EXD3: variants seen among roughly 807,000 people sequenced by gnomAD.
EXD3 encodes the protein exonuclease 3'-5' domain containing 3.
In EXD3, 92 loss-of-function variants were observed where a neutral mutation model predicts 98.0. That is an observed-to-expected ratio of 0.94 (90% CI 0.79 to 1.12). EXD3 has a LOEUF of 1.12. Among genes scored for constraint, EXD3 ranks in the 50% most tolerant of loss-of-function variants. The pLI is 0.00. For missense variants in EXD3, 1,222 were observed against 1,191.6 expected, an observed-to-expected ratio of 1.03 and a Z score of -0.38; for synonymous variants, 569 against 526.0, an observed-to-expected ratio of 1.08 and a Z score of -1.12.
intron 1 of EXD3, among the ~76,000 whole-genome samples, chr9:137,409,401 T>G (rs1837887543): frequency 6.6e-6 from 1 of 152,188 alleles, no homozygotes; most frequent in African/African-American, 2.4e-5. Flanking sequence ...AATTACCCAG[T>G]TTTAGATATT....
chr9:137,404,760 T>C (rs1837637667), intron 1 of EXD3, among the ~76,000 whole-genome samples: 1 of 151,808 alleles, frequency 6.6e-6, no homozygotes, highest in African/African-American at 2.4e-5. Context: ...CTTGGGAGGC[T>C]GAGGCAGGAG....
At chr9:137,346,669 G>A in intron 17 of EXD3, among the ~76,000 whole-genome samples, 1 of 152,166 alleles carries the variant, frequency 6.6e-6, no homozygotes, top group East Asian at 1.9e-4. Flanking sequence ...TCCACAGACG[G>A]TCGGTTTCAA....
chr9:137,380,813 A>T (rs997122642), intron 3 of EXD3, among the ~76,000 whole-genome samples: 1 of 147,876 alleles, frequency 6.8e-6, no homozygotes, highest in Non-Finnish European at 1.5e-5. Flanking sequence ...GGCCCCCCCG[A>T]GGGGCTGTTA....
chr9:137,324,109 G>A lies in EXD3; in HGVS notation c.2033C>T (p.Ser678Leu), dbSNP rs376955968. The change falls in exon 18 of 22, where the codon TCG (serine) becomes TTG (leucine). Residue 678 changes from serine to leucine, a missense_variant. By Grantham distance (145) the Ser-to-Leu change is moderately radical. Transcript: ENST00000340951. This position sits in a 1 kb window ranked among gnomAD's most constrained non-coding sequence, Gnocchi z 4.1. Reference sequence around the variant, plus strand: ...ACTCACCTTGTGGAATGGCTGCCCCGACGTCAGAATGATCCTCCCCTCCTG... The same window carrying A: ...ACTCACCTTGTGGAATGGCTGCCCCAACGTCAGAATGATCCTCCCCTCCTG... ...ARQEGRIILT[S>L]GQPFHKLRAQ... is the part of the protein sequence containing the mutation. The A allele has an allele frequency of 3.3e-5, 53 of 1,588,378 alleles. No individual in the cohort carries two copies. The highest frequency in any genetic ancestry group is 4.0e-5 in the Non-Finnish European group (47 of 1,168,170).
intron 17 of EXD3, among the ~76,000 whole-genome samples, chr9:137,327,545 T>C (rs1382332158): frequency 6.6e-6 from 1 of 151,966 alleles, no homozygotes; most frequent in Non-Finnish European, 1.5e-5. Context: ...ATGGTTAAAA[T>C]GGTCAATTTC....
In EXD3 at chr9:137,347,525, C is replaced by A. The variant is rs1296265144; in HGVS notation, c.1998+546G>T. ...GTGGCGTGATCTCAGCTCACTGTAA[C>A]CTCTGCCTCCGGTGTTTAAGCGATT... On this transcript the variant is annotated intron_variant, in intron 17 of 21. Coordinates refer to ENST00000340951, the MANE Select transcript of EXD3 (RefSeq NM_017820.5). This position sits in a 1 kb window ranked among gnomAD's most constrained non-coding sequence, Gnocchi z 4.2. Among the ~76,000 whole-genome samples, 1 of 152,006 alleles carries A rather than the reference C, an allele frequency of 6.6e-6. No homozygotes were observed. The highest frequency in any genetic ancestry group is 1.5e-5 in the Non-Finnish European group (1 of 68,016).
chr9:137,313,169 C>A (rs1160363827), intron 19 of EXD3, among the ~76,000 whole-genome samples: 1 of 152,148 alleles, frequency 6.6e-6, no homozygotes, highest in African/African-American at 2.4e-5. Flanking sequence ...GGGCGAGACA[C>A]GAGCCCTGGG....
Position 137,349,555 on chromosome 9 carries a change from G to A in EXD3, c.1495-24C>T. 6.5e-7 allele frequency: 1 copy of A among 1,542,232 alleles called. No individual in the cohort carries two copies. Among genetic ancestry groups the A allele is most frequent in the Non-Finnish European group, 8.7e-7 (1 of 1,144,836 alleles). ...ATCTGCTAAGACAGTGCCCTGCAGG[G>A]TAACGCGTCTGGCCCTGGCGGCAGC... On this transcript the variant is annotated intron_variant, in intron 14 of 21. Coordinates refer to ENST00000340951, the MANE Select transcript of EXD3 (RefSeq NM_017820.5). This position sits in a 1 kb window ranked among gnomAD's most constrained non-coding sequence, Gnocchi z 7.4.
chr9:137,355,471 A>AGGAGGAAGGAGGAC (rs1834608694), intron 8 of EXD3, among the ~76,000 whole-genome samples: 1 of 110,354 alleles, frequency 9.1e-6, no homozygotes, highest in African/African-American at 4.3e-5. Context: ...GAAAGGAGGA[A>AGGAGGAAGGAGGAC]GGAGGAAGGA....
At chr9:137,384,170 T>TGCAGG (rs1167182198) in intron 2 of EXD3, among the ~76,000 whole-genome samples, 1 of 152,196 alleles carries the variant, frequency 6.6e-6, no homozygotes, top group Non-Finnish European at 1.5e-5. Flanking sequence ...TGGGCCCCCC[T>TGCAGG]GCAGGGCAGG....
intron 19 of EXD3, among the ~76,000 whole-genome samples, chr9:137,317,850 G>C (rs1213214592): frequency 6.6e-6 from 1 of 152,208 alleles, no homozygotes; most frequent in African/African-American, 2.4e-5. Context: ...TCTTCCTCCA[G>C]AGCTCTGGGG....
At position 137,349,530 on chromosome 9, in the gene EXD3, A is replaced by G; in HGVS notation, c.1496T>C (p.Met499Thr). ...TGGGGCTGGCACGCTCGCCACCCGC[A>G]TCTGCTAAGACAGTGCCCTGCAGGG... is the stretch of plus-strand genomic sequence containing the variant. ...GMDLLLVHRQ[M>T]RVASVPAPAV... The change falls in exon 15 of 22, where the codon ATG becomes ACG. Residue 499 changes from methionine to threonine, a missense_variant and splice_region_variant. By Grantham distance (81) the Met-to-Thr change is moderately conservative. Transcript: ENST00000340951. The surrounding 1 kb of genome is among the most constrained non-coding windows in gnomAD (Gnocchi z 7.4). 6.3e-7 allele frequency: 1 copy of G among 1,587,434 alleles called. No homozygotes were observed. The highest frequency in any genetic ancestry group is 1.3e-5 in the African/African-American group (1 of 74,530).
chr9:137,341,418 AAGACTCATTAC>A (rs1433270584), intron 17 of EXD3, among the ~76,000 whole-genome samples: 1 of 152,232 alleles, frequency 6.6e-6, no homozygotes, highest in African/African-American at 2.4e-5. Context: ...CACTCTGGCT[AAGACTCATTAC>A]AGTGAATAAT....
At chr9:137,326,528 A>G (rs750426360) in intron 17 of EXD3, among the ~76,000 whole-genome samples, 9 of 152,186 alleles carry the variant, frequency 5.9e-5, no homozygotes, top group Non-Finnish European at 1.0e-4. Flanking sequence ...CTTATCTCAA[A>G]AAGAAAAAAA....
intron 1 of EXD3, among the ~76,000 whole-genome samples, chr9:137,420,687 G>A (rs918810353): frequency 6.7e-5 from 10 of 149,416 alleles, no homozygotes; most frequent in Non-Finnish European, 1.3e-4. Flanking sequence ...GTCACTTTCC[G>A]ACAGATCCAG....
In EXD3 at chr9:137,372,951, A is replaced by G. The variant is rs771121580; in HGVS notation, c.416T>C (p.Leu139Pro). 1.4e-5 allele frequency: 22 copies of G among 1,602,220 alleles called. No homozygotes were observed. Among genetic ancestry groups the G allele is most frequent in the Non-Finnish European group, 1.9e-5 (22 of 1,179,748 alleles). ...GTGGAGGCGGTGGACGTGTGCCAGC[A>G]GGCAGCTCCTGTCTGCATCCTGCAG... ...FQLQDADRSCLLAHVHRLHHE... is the reference protein window; with the variant it reads ...FQLQDADRSCPLAHVHRLHHE... The change falls in exon 5 of 22, where the codon CTG becomes CCG. Residue 139 changes from leucine to proline, a missense_variant. Transcript: ENST00000340951.
chr9:137,378,782 C>T (rs1836043285), intron 3 of EXD3, among the ~76,000 whole-genome samples: 1 of 152,234 alleles, frequency 6.6e-6, no homozygotes, highest in Non-Finnish European at 1.5e-5. Context: ...TGTGAACTGT[C>T]CAGAAGTGGC....
chr9:137,316,007 G>T (rs1362720429), intron 19 of EXD3, among the ~76,000 whole-genome samples: 1 of 149,890 alleles, frequency 6.7e-6, no homozygotes, highest in African/African-American at 2.5e-5. Flanking sequence ...GCCTCCCAAG[G>T]GAAGTCCCCC....
Position 137,403,915 on chromosome 9 carries a change from G to C in EXD3, c.-47-8511C>G, listed in dbSNP as rs370646061. On this transcript the variant is annotated intron_variant, in intron 1 of 21. Coordinates refer to ENST00000340951, the MANE Select transcript of EXD3 (RefSeq NM_017820.5). The surrounding 1 kb of genome is among the most constrained non-coding windows in gnomAD (Gnocchi z 6.1). ...GCAGTCACACCCCCACGCCATCTCT[G>C]CATAGACCCCGAAGGATGTGGAGTG... 4.1e-4 allele frequency among the ~76,000 whole-genome samples: 63 copies of C among 152,190 alleles called. No homozygotes were observed. In the East Asian group the frequency reaches 0.011, roughly 26 times the overall value.
Sources: allele counts gnomAD v4.1 joint callset (sites outside exome capture counted in the v4.1 genomes callset), GRCh38; gene constraint gnomAD v4.1.1; non-coding constraint Gnocchi (gnomAD v3.1); transcripts MANE v1.5; gene names NCBI Gene and HGNC (gene_info 2026-07-23, HGNC 2026-07-21).